NAALADL2: variants seen among roughly 807,000 people sequenced by gnomAD.
The protein encoded by NAALADL2 is inactive N-acetylated-alpha-linked acidic dipeptidase-like protein 2.
In NAALADL2, 76 loss-of-function variants were observed where a neutral mutation model predicts 87.2. The observed-to-expected ratio is 0.87, with a 90% CI of 0.72 to 1.05. NAALADL2 has a LOEUF of 1.05. NAALADL2 is among the 50% of genes least tolerant of loss of function. The probability of loss-of-function intolerance (pLI) is 0.00; values close to 1 mark genes in which losing one functional copy is unlikely to be tolerated. For synonymous variants in NAALADL2, 354 were observed against 331.0 expected, an observed-to-expected ratio of 1.07 and a Z score of -0.75; for missense variants, 1,089 against 945.8, an observed-to-expected ratio of 1.15 and a Z score of -1.99.
chr3:175,401,140 C>A (rs749194295), intron 5 of NAALADL2, among the ~76,000 whole-genome samples: 1 of 152,060 alleles, frequency 6.6e-6, no homozygotes, highest in Non-Finnish European at 1.5e-5. Context: ...ATTCCTCAGC[C>A]TTGAGAAGGC....
intron 3 of NAALADL2, among the ~76,000 whole-genome samples, chr3:174,739,398 T>C (rs955180892): frequency 6.6e-6 from 1 of 151,938 alleles, no homozygotes; most frequent in African/African-American, 2.4e-5. Flanking sequence ...TTTTAGGGAG[T>C]CACATGTGTT....
intron 5 of NAALADL2, among the ~76,000 whole-genome samples, chr3:175,389,524 T>C (rs1768824607): frequency 6.6e-6 from 1 of 152,182 alleles, no homozygotes; most frequent in African/African-American, 2.4e-5. Context: ...ATCTACTGTG[T>C]TTTATGATGG....
chr3:175,069,130 G>A (rs1053488307), intron 1 of NAALADL2, among the ~76,000 whole-genome samples: 14 of 150,644 alleles, frequency 9.3e-5, no homozygotes, highest in African/African-American at 3.0e-4. Context: ...AACACCAAAA[G>A]CAATGGCAAC....
At position 174,875,264 on chromosome 3, in the gene NAALADL2, A is replaced by G. The variant is rs556623340; in HGVS notation, c.43+15814A>G. 3.0e-4 allele frequency among the ~76,000 whole-genome samples: 46 copies of G among 152,188 alleles called. No homozygotes were observed. The South Asian group carries it at 9.3e-3, about 31-fold the overall frequency. On this transcript the variant is annotated intron_variant, in intron 1 of 13. Transcript: ENST00000454872. ...ACTTATTTTACATGTAAGAAAATAA[A>G]CAATATAAATGTCATTGCATTATTT...
At chr3:175,051,685 TG>T (rs11342505) in intron 1 of NAALADL2, among the ~76,000 whole-genome samples, 27,626 of 152,146 alleles carry the variant, frequency 0.18, 2,735 homozygotes, top group Middle Eastern at 0.32. Flanking sequence ...ATTACACTTA[TG>T]GAGAAGGGAT....
At chr3:175,672,548 A>T (rs1734144901) in intron 11 of NAALADL2, among the ~76,000 whole-genome samples, 1 of 152,114 alleles carries the variant, frequency 6.6e-6, no homozygotes, top group Non-Finnish European at 1.5e-5. Context: ...AGGGAAAGTA[A>T]ATTGCATAAC....
At chr3:175,521,225 A>T (rs1732611581) in intron 9 of NAALADL2, among the ~76,000 whole-genome samples, 1 of 152,026 alleles carries the variant, frequency 6.6e-6, no homozygotes, top group African/African-American at 2.4e-5. Context: ...TGAATATTTA[A>T]AGTGAATATG....
chr3:174,851,363 A>T (rs6791434), intron 3 of NAALADL2, among the ~76,000 whole-genome samples: 15 of 36,948 alleles, frequency 4.1e-4, no homozygotes, highest in Middle Eastern at 0.019. Context: ...CAGCCAGACT[A>T]AAAAAAAAAA....
At chr3:175,397,727 A>C (rs1769992685) in intron 5 of NAALADL2, among the ~76,000 whole-genome samples, 1 of 152,144 alleles carries the variant, frequency 6.6e-6, no homozygotes, top group African/African-American at 2.4e-5. Flanking sequence ...ATGCACTTCA[A>C]GTTTCTGGGT....
At chr3:174,709,305 T>G (rs1294810594) in intron 2 of NAALADL2, among the ~76,000 whole-genome samples, 2 of 152,104 alleles carry the variant, frequency 1.3e-5, no homozygotes, top group African/African-American at 4.8e-5. Flanking sequence ...AAACGGTACT[T>G]TGTGTCTTTC....
intron 9 of NAALADL2, among the ~76,000 whole-genome samples, chr3:175,569,615 C>T (rs1032973241): frequency 7.2e-5 from 11 of 152,010 alleles, no homozygotes; most frequent in Non-Finnish European, 1.5e-4. Flanking sequence ...GAGGTAGATA[C>T]AAGATCTCTC....
chr3:174,766,568 A>G (rs1042693307), intron 3 of NAALADL2, among the ~76,000 whole-genome samples: 3 of 152,338 alleles, frequency 2.0e-5, no homozygotes, highest in Admixed American at 2.0e-4. Flanking sequence ...AGCCTTAACA[A>G]ATGCCTGTAC....
chr3:175,162,993 T>G lies in NAALADL2; in HGVS notation c.545+65702T>G, dbSNP rs141794308. Among the ~76,000 whole-genome samples, 52 of 152,286 alleles carry G rather than the reference T, an allele frequency of 3.4e-4. 1 individual carries two copies. In the East Asian group the frequency reaches 9.5e-3, roughly 28 times the overall value. On this transcript the variant is annotated intron_variant, in intron 2 of 13. Coordinates refer to ENST00000454872, the MANE Select transcript of NAALADL2 (RefSeq NM_207015.3). The stretch of plus-strand genomic sequence containing the variant: ...GTTACATAGCCTGGAACTAATCATT[T>G]CTTTCTTTTCTCAGGGCTTGAAAAA...
chr3:175,759,352 CTT>C (rs768277021), intron 13 of NAALADL2, among the ~76,000 whole-genome samples: 24 of 139,886 alleles, frequency 1.7e-4, no homozygotes, highest in East Asian at 4.2e-4. Flanking sequence ...TCAAGAAAGA[CTT>C]TTTTTTTTTT....
intron 2 of NAALADL2, among the ~76,000 whole-genome samples, chr3:174,555,917 A>G (rs1712737605): frequency 6.6e-6 from 1 of 151,164 alleles, no homozygotes; most frequent in Non-Finnish European, 1.5e-5. Flanking sequence ...TGTGTTTTCC[A>G]CCACCCCATC....
At chr3:175,117,560 A>T (rs1309565928) in intron 2 of NAALADL2, among the ~76,000 whole-genome samples, 2 of 151,498 alleles carry the variant, frequency 1.3e-5, no homozygotes, top group African/African-American at 2.4e-5. Context: ...TCAAAACCAC[A>T]ATGAGGTACC....
intron 5 of NAALADL2, among the ~76,000 whole-genome samples, chr3:175,404,779 C>T (rs1384168024): frequency 6.6e-6 from 1 of 152,082 alleles, no homozygotes; most frequent in East Asian, 1.9e-4. Flanking sequence ...TACAAGTTGA[C>T]CTCATATATC....
At chr3:174,497,036 AC>A (rs1718591756) in intron 1 of NAALADL2, among the ~76,000 whole-genome samples, 1 of 152,126 alleles carries the variant, frequency 6.6e-6, no homozygotes, top group Admixed American at 6.6e-5. Context: ...CATTACAAAA[AC>A]CTTTACCTTT....
intron 3 of NAALADL2, among the ~76,000 whole-genome samples, chr3:174,749,442 T>C (rs79298679): frequency 1.7e-3 from 255 of 152,122 alleles, no homozygotes; most frequent in African/African-American, 5.9e-3. Context: ...CTCACAATGA[T>C]GCAAGAATGG....
Sources: allele counts gnomAD v4.1 joint callset (sites outside exome capture counted in the v4.1 genomes callset), GRCh38; gene constraint gnomAD v4.1.1; transcripts MANE v1.5; gene names NCBI Gene and HGNC (gene_info 2026-07-23, HGNC 2026-07-21).